The following AJM1 variants were observed in gnomAD, a reference collection of about 807,000 sequenced individuals.
The protein encoded by AJM1 is apical junction component 1 homolog, also known as uncharacterized protein C9orf172.
A neutral mutation model predicts 43.0 loss-of-function variants in AJM1; 22 were observed. The ratio of observed to expected loss-of-function variants is 0.51; its 90% CI spans 0.37 to 0.73. The LOEUF is 0.73. AJM1 is among the 30% of genes least tolerant of loss of function. The probability of loss-of-function intolerance (pLI) is 0.00; values close to 1 mark genes in which losing one functional copy is unlikely to be tolerated. For missense variants in AJM1, 1,305 were observed against 1,343.3 expected (o/e 0.97, Z 0.45); for synonymous variants, 719 against 638.3 (o/e 1.13, Z -1.91).
chr9:136,844,540 C>A lies in AJM1; in HGVS notation c.126C>A (p.Pro42=). The part of the protein sequence containing the change: ...CERSVARPAE[P]APFNKRHCRS... ...GATCCGTGGCCCGGCCTGCTGAGCCCGCGCCTTTCAACAAGCGCCACTGCC... is the reference window on the plus strand; with the variant it reads ...GATCCGTGGCCCGGCCTGCTGAGCCAGCGCCTTTCAACAAGCGCCACTGCC... The change falls in exon 3 of 3, where the codon CCC becomes CCA. Residue 42 remains proline (P), a synonymous_variant. Transcript: ENST00000436881. 3.7e-6 allele frequency: 6 copies of A among 1,606,642 alleles called. No individual in the cohort carries two copies. Among genetic ancestry groups the A allele is most frequent in the Non-Finnish European group, 5.1e-6 (6 of 1,177,930 alleles).
At position 136,847,599 on chromosome 9, in the gene AJM1, C is replaced by G; in HGVS notation, c.*254C>G. ...AGGCCCTTCGCCTTCCCACCCCCAG[C>G]AACCCCTCTCCCTCCTCCGGGCCTC... On this transcript the variant is annotated 3_prime_UTR_variant, in exon 3 of 3. Coordinates refer to ENST00000436881, the MANE Select transcript of AJM1 (RefSeq NM_001080482.5). 2.5e-6 allele frequency: 1 copy of G among 399,978 alleles called. No individual in the cohort carries two copies. The highest frequency in any genetic ancestry group is 3.7e-5 in the East Asian group (1 of 26,888). The allele number at this position is 399,978 out of a possible 1,614,324, so 24.8% of individuals were successfully genotyped here.
Position 136,845,836 on chromosome 9 carries a change from G to C in AJM1, c.1422G>C (p.Gly474=). ...GCCGCAGCTACGAGAACCTGCTGGG[G>C]CGCGAGGTGCGGGAGCCGCGAGGCG... ...GRGRSYENLL[G]REVREPRGVS... is the part of the protein sequence containing the mutation. The change falls in exon 3 of 3, where the codon GGG becomes GGC. Residue 474 remains glycine (G), a synonymous_variant. Transcript: ENST00000436881. 1 of 1,559,402 alleles carries C rather than the reference G, an allele frequency of 6.4e-7. No homozygotes were observed. Among genetic ancestry groups the C allele is most frequent in the Non-Finnish European group, 8.7e-7 (1 of 1,155,610 alleles).
rs764090262 is a variant in AJM1, at chr9:136,846,496, C to T, written c.2082C>T (p.Cys694=). ...GCCACAGCTGCTACACCTACTACTGCTCGCGCCTGTGCCGCCGCGAGGACT... is the reference window on the plus strand; with the variant it reads ...GCCACAGCTGCTACACCTACTACTGTTCGCGCCTGTGCCGCCGCGAGGACT... ...KSCHSCYTYY[C]SRLCRREDWD... is the part of the protein sequence containing the mutation. Residue 694 remains cysteine, a synonymous_variant, in exon 3 of 3, where the codon TGC becomes TGT. Transcript: ENST00000436881. 5 of 1,592,936 alleles carry T rather than the reference C, an allele frequency of 3.1e-6. No individual in the cohort carries two copies. The African/African-American group carries it at 5.3e-5, about 17-fold the overall frequency.
rs551392747 is a variant in AJM1 at position 136,846,178 on chromosome 9, C to A, written c.1764C>A (p.Val588=). The part of the protein sequence containing the change: ...EQLDELITDL[V]IDSRPTAGQA... ...TGGACGAGCTCATCACGGACCTGGTCATCGACTCGCGACCCACCGCCGGCC... is the reference window on the plus strand; with the variant it reads ...TGGACGAGCTCATCACGGACCTGGTAATCGACTCGCGACCCACCGCCGGCC... Residue 588 remains valine (V), a synonymous_variant, in exon 3 of 3, where the codon GTC becomes GTA. Coordinates refer to ENST00000436881, the MANE Select transcript of AJM1 (RefSeq NM_001080482.5). The A allele has an allele frequency of 3.6e-3, 5,524 of 1,519,278 alleles. 15 individuals are homozygous for A. Among genetic ancestry groups the A allele is most frequent in the Non-Finnish European group, 4.4e-3 (4,986 of 1,140,544 alleles). 94.1% of individuals were successfully genotyped at this position (1,519,278 alleles called of 1,614,324 possible). A position where few individuals can be genotyped will look rare whatever the true frequency, so the allele number is the denominator to read the frequency against.
rs376328378 is a variant in AJM1 at position 136,846,696 on chromosome 9, C to T, written c.2282C>T (p.Ser761Leu). The change falls in exon 3 of 3, where the codon TCG becomes TTG. Residue 761 changes from serine to leucine, a missense_variant. Around this residue, in one of 6 missense-constraint regions of AJM1, gnomAD observed 391 missense variants for 507.5 expected, o/e 0.77. Transcript: ENST00000436881. ...VLFLGFPSPG[S>L]ADNFLRFGLE... ...TTCCTGGGCTTCCCAAGTCCAGGCTCGGCCGACAACTTCCTGCGCTTTGGC... is the reference window on the plus strand; with the variant it reads ...TTCCTGGGCTTCCCAAGTCCAGGCTTGGCCGACAACTTCCTGCGCTTTGGC... 18 of 1,604,068 alleles carry T rather than the reference C, an allele frequency of 1.1e-5. No individual in the cohort carries two copies. The highest frequency in any genetic ancestry group is 1.4e-5 in the Non-Finnish European group (16 of 1,178,796).
Position 136,847,276 on chromosome 9 carries a change from C to CA in AJM1, c.2863dup (p.Met955AsnfsTer31). On this transcript the variant is annotated frameshift_variant, in exon 3 of 3. Transcript: ENST00000436881. LOFTEE classifies it high-confidence loss of function. ...CCGGCCGCCCCTTCATGTGCATGATCATGGCCGCCTCCGAGCCGCGCGCGC... is the reference window on the plus strand; with the variant it reads ...CCGGCCGCCCCTTCATGTGCATGATCAATGGCCGCCTCCGAGCCGCGCGCGC... 6.3e-7 allele frequency: 1 copy of CA among 1,581,254 alleles called. No homozygotes were observed. The highest frequency in any genetic ancestry group is 8.6e-7 in the Non-Finnish European group (1 of 1,168,818).
Position 136,847,211 on chromosome 9 carries a change from C to T in AJM1, c.2797C>T (p.Arg933Cys). 1 of 1,606,006 alleles carries T rather than the reference C, an allele frequency of 6.2e-7. No homozygotes were observed. Among genetic ancestry groups the T allele is most frequent in the Non-Finnish European group, 8.5e-7 (1 of 1,178,874 alleles). Reference sequence around the variant, plus strand: ...TTGCGAGTTCGTCGAGGCCAACAGGCGCTTCACGCCCACCACCATCTACCC... The same window carrying T: ...TTGCGAGTTCGTCGAGGCCAACAGGTGCTTCACGCCCACCACCATCTACCC... The part of the protein sequence containing the change: ...QLCEFVEANR[R>C]FTPTTIYPTD... Residue 933 changes from arginine (R) to cysteine (C), a missense_variant, in exon 3 of 3, where the codon CGC becomes TGC. Physicochemically the swap from Arg to Cys is radical, Grantham distance 180 (BLOSUM62 -3). Transcript: ENST00000436881.
rs1309319294 is a variant in AJM1 at position 136,845,736 on chromosome 9, A to G, written c.1322A>G (p.Asp441Gly). The G allele has an allele frequency of 6.4e-7, 1 of 1,558,546 alleles. No individual in the cohort carries two copies. The highest frequency in any genetic ancestry group is 8.6e-7 in the Non-Finnish European group (1 of 1,161,090). Reference sequence around the variant, plus strand: ...ACCAGTCCGCCCCGGCTGGCCACCGACAGCCGCCACTACTCGCGCTCCTGG... The same window carrying G: ...ACCAGTCCGCCCCGGCTGGCCACCGGCAGCCGCCACTACTCGCGCTCCTGG... ...TGTSPPRLAT[D>G]SRHYSRSWDN... The change falls in exon 3 of 3, where the codon GAC becomes GGC. Residue 441 changes from aspartate to glycine, a missense_variant. Physicochemically the swap from Asp to Gly is moderately conservative, Grantham distance 94 (BLOSUM62 -1). Around this residue, in one of 6 missense-constraint regions of AJM1, gnomAD observed 653 missense variants for 549.1 expected, o/e 1.19. Coordinates refer to ENST00000436881, the MANE Select transcript of AJM1 (RefSeq NM_001080482.5).
chr9:136,843,172 G>A (rs1848726457), intron 1 of AJM1, among the ~76,000 whole-genome samples: 1 of 152,228 alleles, frequency 6.6e-6, no homozygotes, highest in African/African-American at 2.4e-5. Context: ...TGCCCTGCAA[G>A]GGGCCTGGCC....
chr9:136,847,178 G>C lies in AJM1; in HGVS notation c.2764G>C (p.Glu922Gln). 6.2e-7 allele frequency: 1 copy of C among 1,603,904 alleles called. No homozygotes were observed. Among genetic ancestry groups the C allele is most frequent in the Non-Finnish European group, 8.5e-7 (1 of 1,178,784 alleles). Residue 922 changes from glutamate (E) to glutamine (Q), a missense_variant, in exon 3 of 3, where the codon GAG becomes CAG. Glu to Gln is a conservative substitution (Grantham distance 29). Coordinates refer to ENST00000436881, the MANE Select transcript of AJM1 (RefSeq NM_001080482.5). ...GCGCCACGAGTTCCCGCGCGTCTAC[G>C]AGCAGCTTTGCGAGTTCGTCGAGGC... is the stretch of plus-strand genomic sequence containing the variant. Reference protein sequence around the residue: ...FLRHEFPRVYEQLCEFVEANR... With the variant: ...FLRHEFPRVYQQLCEFVEANR...
Position 136,845,532 on chromosome 9 carries a change from C to G in AJM1, c.1118C>G (p.Pro373Arg), listed in dbSNP as rs762991487. ...EEPRAHSTARPFYTEDFGRYR... is the reference protein window; with the variant it reads ...EEPRAHSTARRFYTEDFGRYR... ...CCCCGGGCCCACTCCACCGCCCGCC[C>G]CTTTTACACGGAGGACTTCGGAAGG... Residue 373 changes from proline to arginine, a missense_variant, in exon 3 of 3, where the codon CCC (proline) becomes CGC (arginine). Transcript: ENST00000436881. The G allele has an allele frequency of 7.5e-6, 12 of 1,597,536 alleles. No homozygotes were observed. In the South Asian group the frequency reaches 1.3e-4, roughly 18 times the overall value.
rs1804515251 is a variant in AJM1, at chr9:136,845,032, C to T, written c.618C>T (p.Ser206=). Residue 206 remains serine, a synonymous_variant, in exon 3 of 3, where the codon TCC becomes TCT. Transcript: ENST00000436881. ...AGCACGCCACCCGGGGCTCGCGGTCCTGCGGGCCCACCGAGGCCGCGCACT... is the reference window on the plus strand; with the variant it reads ...AGCACGCCACCCGGGGCTCGCGGTCTTGCGGGCCCACCGAGGCCGCGCACT... ...VLQHATRGSR[S]CGPTEAAHWA... is the part of the protein sequence containing the mutation. The T allele has an allele frequency of 1.4e-6, 1 of 736,308 alleles. No homozygotes were observed. The highest frequency in any genetic ancestry group is 1.9e-5 in the African/African-American group (1 of 53,494). 45.6% of individuals were successfully genotyped at this position (736,308 alleles called of 1,614,324 possible).
In AJM1 at chr9:136,847,591, A is replaced by AC. The variant is rs1159771433; in HGVS notation, c.*251dup. On this transcript the variant is annotated 3_prime_UTR_variant, in exon 3 of 3. Coordinates refer to ENST00000436881, the MANE Select transcript of AJM1 (RefSeq NM_001080482.5). ...TTCCTCACAGGCCCTTCGCCTTCCC[A>AC]CCCCCAGCAACCCCTCTCCCTCCTC... is the stretch of plus-strand genomic sequence containing the variant. 1 of 296,538 alleles carries AC rather than the reference A, an allele frequency of 3.4e-6. No individual in the cohort carries two copies. Among genetic ancestry groups the AC allele is most frequent in the South Asian group, 1.3e-4 (1 of 7,484 alleles). 18.4% of individuals were successfully genotyped at this position (296,538 alleles called of 1,614,324 possible).
chr9:136,844,520 G>T lies in AJM1; in HGVS notation c.106G>T (p.Val36Leu). The part of the protein sequence containing the change: ...ASKCSPCERS[V>L]ARPAEPAPFN... ...CAAGTGCTCGCCATGTGAGCGATCC[G>T]TGGCCCGGCCTGCTGAGCCCGCGCC... Residue 36 changes from valine (V) to leucine (L), a missense_variant, in exon 3 of 3, where the codon GTG becomes TTG. Transcript: ENST00000436881. 6.2e-7 allele frequency: 1 copy of T among 1,608,438 alleles called. No individual in the cohort carries two copies. The highest frequency in any genetic ancestry group is 8.5e-7 in the Non-Finnish European group (1 of 1,178,468).
chr9:136,846,113 G>A lies in AJM1; in HGVS notation c.1699G>A (p.Asp567Asn). The change falls in exon 3 of 3, where the codon GAC becomes AAC. Residue 567 changes from aspartate (D) to asparagine (N), a missense_variant. Asp to Asn is a conservative substitution (Grantham distance 23, BLOSUM62 1). Coordinates refer to ENST00000436881, the MANE Select transcript of AJM1 (RefSeq NM_001080482.5). ...RTRPPPHAAP[D>N]GPTSGRQRSL... ...GCGGCCACCTCCCCACGCGGCCCCC[G>A]ACGGCCCCACCTCTGGCCGCCAGCG... is the stretch of plus-strand genomic sequence containing the variant. The A allele has an allele frequency of 6.5e-7, 1 of 1,529,350 alleles. No homozygotes were observed. The highest frequency in any genetic ancestry group is 1.2e-5 in the South Asian group (1 of 83,278). The allele number at this position is 1,529,350 out of a possible 1,614,324, so 94.7% of individuals were successfully genotyped here.
chr9:136,847,429 C>A lies in AJM1; in HGVS notation c.*84C>A, dbSNP rs915927964. On this transcript the variant is annotated 3_prime_UTR_variant, in exon 3 of 3. Coordinates refer to ENST00000436881, the MANE Select transcript of AJM1 (RefSeq NM_001080482.5). ...AGGCCCCGCCCGGCCCACCCAGGGC[C>A]GCCCCCGAGCCCCGCCAGGGCCCCA... 5 of 1,159,740 alleles carry A rather than the reference C, an allele frequency of 4.3e-6. No homozygotes were observed. The African/African-American group carries it at 6.6e-5, about 15-fold the overall frequency. The allele number at this position is 1,159,740 out of a possible 1,614,324, so 71.8% of individuals were successfully genotyped here.
chr9:136,845,047 G>A lies in AJM1; in HGVS notation c.633G>A (p.Glu211=), dbSNP rs993206882. The change falls in exon 3 of 3, where the codon GAG becomes GAA. Residue 211 remains glutamate (E), a synonymous_variant. Coordinates refer to ENST00000436881, the MANE Select transcript of AJM1 (RefSeq NM_001080482.5). ...GCTCGCGGTCCTGCGGGCCCACCGA[G>A]GCCGCGCACTGGGCCCGCCCCGCCC... ...TRGSRSCGPT[E]AAHWARPAPQ... 2.4e-6 allele frequency: 2 copies of A among 834,340 alleles called. No individual in the cohort carries two copies. Among genetic ancestry groups the A allele is most frequent in the Non-Finnish European group, 3.8e-6 (2 of 529,084 alleles). The allele number at this position is 834,340 out of a possible 1,614,324, so 51.7% of individuals were successfully genotyped here.
In AJM1 at chr9:136,848,715, C is replaced by G. The variant is rs1190245967; in HGVS notation, c.*1370C>G. 2.6e-5 allele frequency: 4 copies of G among 152,782 alleles called. No homozygotes were observed. The East Asian group carries it at 7.7e-4, about 29-fold the overall frequency. 9.5% of individuals were successfully genotyped at this position (152,782 alleles called of 1,614,324 possible). On this transcript the variant is annotated 3_prime_UTR_variant, in exon 3 of 3. Transcript: ENST00000436881. Reference sequence around the variant, plus strand: ...AGGGCCTCTGCATTCGGCCCCACCCCTGAGGGCCGGCCGGGAACGCCCCTG... The same window carrying G: ...AGGGCCTCTGCATTCGGCCCCACCCGTGAGGGCCGGCCGGGAACGCCCCTG...
chr9:136,845,627 G>C lies in AJM1; in HGVS notation c.1213G>C (p.Gly405Arg). Residue 405 changes from glycine to arginine, a missense_variant, in exon 3 of 3, where the codon GGC becomes CGC. Physicochemically the swap from Gly to Arg is moderately radical, Grantham distance 125 (BLOSUM62 -2). Coordinates refer to ENST00000436881, the MANE Select transcript of AJM1 (RefSeq NM_001080482.5). ...PRSSPAWADW[G>R]PRPYRTLQVV... ...CAGCAGCCCGGCCTGGGCGGACTGG[G>C]GCCCGCGACCGTACCGCACCCTGCA... 1 of 1,578,498 alleles carries C rather than the reference G, an allele frequency of 6.3e-7. No individual in the cohort carries two copies. The highest frequency in any genetic ancestry group is 8.6e-7 in the Non-Finnish European group (1 of 1,168,860).
Sources: allele counts gnomAD v4.1 joint callset (sites outside exome capture counted in the v4.1 genomes callset), GRCh38; gene constraint gnomAD v4.1.1; regional missense constraint gnomAD v4.1.1; transcripts MANE v1.5; gene names NCBI Gene and HGNC (gene_info 2026-07-23, HGNC 2026-07-21).